The following RAB38 variants were observed in gnomAD, a reference collection of about 807,000 sequenced individuals.
RAB38 encodes RAB38, member RAS oncogene family, also known as ras-related protein Rab-38.
RAB38 carries 15 observed loss-of-function variants against 18.4 expected under a neutral mutation model. The observed-to-expected ratio is 0.82, with a 90% confidence interval of 0.55 to 1.26. The LOEUF is 1.26. Ranked by LOEUF, RAB38 falls within the 50% of genes most tolerant of loss-of-function variation. The pLI is 0.00. For missense variants in RAB38, 294 were observed against 267.4 expected, an observed-to-expected ratio of 1.10 and a Z score of -0.69; for synonymous variants, 101 against 104.4, an observed-to-expected ratio of 0.97 and a Z score of 0.20.
the RAB38 span, among the ~76,000 whole-genome samples, chr11:88,026,261 G>T: frequency 3.9e-5 from 6 of 152,112 alleles, no homozygotes; most frequent in East Asian, 1.2e-3. Flanking sequence ...GGTAGATGTG[G>T]TTATAAAAAT....
the RAB38 span, among the ~76,000 whole-genome samples, chr11:87,976,642 T>C: frequency 0.17 from 18,693 of 111,564 alleles, 1,679 homozygotes; most frequent in South Asian, 0.27. Context: ...TATGATTTTA[T>C]ATGATATATA....
the RAB38 span, among the ~76,000 whole-genome samples, chr11:88,106,081 C>A: frequency 3.3e-5 from 5 of 152,046 alleles, no homozygotes; most frequent in Non-Finnish European, 7.4e-5. Context: ...GTATCTTTTG[C>A]CTCTTATTAA....
chr11:88,163,995 T>C (rs1272811210), intron 1 of RAB38, among the ~76,000 whole-genome samples: 2 of 151,898 alleles, frequency 1.3e-5, no homozygotes, highest in African/African-American at 4.8e-5. Context: ...CAGGTTGGAG[T>C]GAATCAAGAC....
At chr11:88,141,938 C>A (rs932055814) in intron 2 of RAB38, among the ~76,000 whole-genome samples, 4 of 152,216 alleles carry the variant, frequency 2.6e-5, no homozygotes, top group Non-Finnish European at 5.9e-5. Context: ...CTCTCTCCAA[C>A]CAACATGCCT....
At chr11:87,889,221 G>C in the RAB38 span, among the ~76,000 whole-genome samples, 1 of 151,864 alleles carries the variant, frequency 6.6e-6, no homozygotes, top group Admixed American at 6.6e-5. Context: ...GGAGCAGAGG[G>C]CCCCTTACTT....
intron 2 of RAB38, among the ~76,000 whole-genome samples, chr11:88,130,358 A>C (rs747334079): frequency 6.6e-6 from 1 of 152,238 alleles, no homozygotes; most frequent in Non-Finnish European, 1.5e-5. Context: ...ACTCATCCAC[A>C]TGGGCTCAGG....
the RAB38 span, chr11:87,817,296 T>C: frequency 6.6e-6 from 1 of 152,176 alleles, no homozygotes; most frequent in African/African-American, 2.4e-5. Flanking sequence ...TATTACTCAA[T>C]GTAAATGATA....
chr11:87,830,235 C>A, the RAB38 span, among the ~76,000 whole-genome samples: 5 of 152,186 alleles, frequency 3.3e-5, no homozygotes, highest in South Asian at 6.2e-4. Context: ...AATCCCAGAA[C>A]TTAGGAGGCT....
the RAB38 span, among the ~76,000 whole-genome samples, chr11:88,093,240 T>G: frequency 2.0e-4 from 31 of 152,030 alleles, no homozygotes; most frequent in Non-Finnish European, 3.4e-4. Flanking sequence ...ACTGAATGAC[T>G]TTGGGTAAAA....
the RAB38 span, among the ~76,000 whole-genome samples, chr11:87,926,512 T>G: frequency 2.6e-4 from 40 of 150,984 alleles, no homozygotes; most frequent in East Asian, 5.9e-4. Context: ...ATGGTGGTTT[T>G]TTTGTTTGTT....
At chr11:87,810,944 A>G in the RAB38 span, among the ~76,000 whole-genome samples, 2 of 152,194 alleles carry the variant, frequency 1.3e-5, no homozygotes, top group African/African-American at 2.4e-5. Context: ...GTTTCAGACC[A>G]GGAGTGGAAG....
the RAB38 span, among the ~76,000 whole-genome samples, chr11:88,046,367 G>T: frequency 1.3e-5 from 2 of 152,104 alleles, no homozygotes; most frequent in Non-Finnish European, 2.9e-5. Context: ...ACCCCATGGT[G>T]CCAAACCCAT....
chr11:87,975,918 G>A, the RAB38 span, among the ~76,000 whole-genome samples: 1 of 151,284 alleles, frequency 6.6e-6, no homozygotes, highest in Non-Finnish European at 1.5e-5. Flanking sequence ...AGATTAAAAT[G>A]GCATTTAAAA....
At chr11:87,892,384 G>T in the RAB38 span, among the ~76,000 whole-genome samples, 7 of 151,754 alleles carry the variant, frequency 4.6e-5, no homozygotes, top group Non-Finnish European at 8.8e-5. Flanking sequence ...TATTTACAGG[G>T]CTGTCCATCT....
At chr11:87,917,095 T>C in the RAB38 span, among the ~76,000 whole-genome samples, 1 of 152,134 alleles carries the variant, frequency 6.6e-6, no homozygotes, top group African/African-American at 2.4e-5. Context: ...AAACCTTTAC[T>C]GGGCTGGGGC....
At chr11:88,110,830 AAAAAG>A (rs1390593265), downstream of RAB38, among the ~76,000 whole-genome samples, 4 of 151,064 alleles carry the variant, frequency 2.6e-5, no homozygotes, top group East Asian at 1.9e-4. Flanking sequence ...AAAAAAAAGA[AAAAAG>A]AAAAGAAAAG....
chr11:88,118,429 C>A (rs1942585891), intron 2 of RAB38, among the ~76,000 whole-genome samples: 1 of 152,198 alleles, frequency 6.6e-6, no homozygotes, highest in Non-Finnish European at 1.5e-5. Context: ...GGTTCAGACC[C>A]TTTGGGCAAT....
chr11:88,146,280 G>C lies in RAB38; in HGVS notation c.483+3395C>G, dbSNP rs899197370. ...TAAAATCCTGCAAGTTTCAACTGCA[G>C]AGATGTCAAAGCTGATGATGATACC... On this transcript the variant is annotated intron_variant, in intron 2 of 2. Transcript: ENST00000243662. Among the ~76,000 whole-genome samples, 33 of 152,300 alleles carry C rather than the reference G, an allele frequency of 2.2e-4. 1 individual carries two copies. The highest frequency in any genetic ancestry group is 7.7e-4 in the African/African-American group (32 of 41,574).
chr11:87,854,861 C>A, the RAB38 span, among the ~76,000 whole-genome samples: 1 of 152,114 alleles, frequency 6.6e-6, no homozygotes, highest in Non-Finnish European at 1.5e-5. Context: ...GTGGTGTGAT[C>A]TTGGCTCATT....
Sources: allele counts gnomAD v4.1 joint callset (sites outside exome capture counted in the v4.1 genomes callset), GRCh38; gene constraint gnomAD v4.1.1; transcripts MANE v1.5; gene names NCBI Gene and HGNC (gene_info 2026-07-23, HGNC 2026-07-21).